CCBE1: variants seen among roughly 807,000 people sequenced by gnomAD.
CCBE1 encodes collagen and calcium binding EGF domains 1.
Under a neutral mutation model 50.0 loss-of-function variants are expected in CCBE1, and 37 were observed. The observed-to-expected ratio is 0.74, with a 90% confidence interval of 0.57 to 0.97. The LOEUF (loss-of-function observed/expected upper bound fraction) is 0.97. CCBE1 is among the 50% of genes least tolerant of loss of function. CCBE1 has a pLI of 0.00. For missense variants in CCBE1, 538 were observed against 523.8 expected (o/e 1.03, Z -0.26); for synonymous variants, 234 against 203.7 (o/e 1.15, Z -1.27).
chr18:59,545,872 C>T (rs1429130050), intron 2 of CCBE1, among the ~76,000 whole-genome samples: 8 of 152,226 alleles, frequency 5.3e-5, no homozygotes, highest in African/African-American at 1.9e-4. Context: ...TCTGAGGACT[C>T]CCCAGCCATG....
At chr18:59,690,965 T>A (rs191587684) in intron 2 of CCBE1, among the ~76,000 whole-genome samples, 9 of 152,198 alleles carry the variant, frequency 5.9e-5, no homozygotes, top group African/African-American at 1.9e-4. Context: ...TGTTACACAT[T>A]AGCAATTAAA....
At chr18:59,661,448 T>G (rs1022342756) in intron 2 of CCBE1, among the ~76,000 whole-genome samples, 3 of 152,212 alleles carry the variant, frequency 2.0e-5, no homozygotes, top group African/African-American at 7.2e-5. Context: ...CATTTAATTC[T>G]TGGAACTTTA....
intron 2 of CCBE1, among the ~76,000 whole-genome samples, chr18:59,649,307 C>T (rs550922310): frequency 7.9e-5 from 12 of 152,316 alleles, no homozygotes; most frequent in African/African-American, 2.9e-4. Context: ...TTTGTGAGCA[C>T]AGCAAATACA....
chr18:59,469,869 G>C (rs1312330094), intron 3 of CCBE1, among the ~76,000 whole-genome samples: 1 of 152,172 alleles, frequency 6.6e-6, no homozygotes, highest in Non-Finnish European at 1.5e-5. Context: ...TCACTATCCA[G>C]AGAGAAAAGA....
In CCBE1 at chr18:59,512,931, C is replaced by T. The variant is rs1218935647; in HGVS notation, c.213-32693G>A. Among the ~76,000 whole-genome samples the T allele has an allele frequency of 5.9e-5, 9 of 152,190 alleles. 1 individual carries two copies. In the East Asian group the frequency reaches 1.7e-3, roughly 29 times the overall value. On this transcript the variant is annotated intron_variant, in intron 2 of 10. Coordinates refer to ENST00000439986, the MANE Select transcript of CCBE1 (RefSeq NM_133459.4). ...ACCTGGGCAGGAGACATCAGAGCAC[C>T]TCTACGACAGGAGGGAAAAAAGAAA...
At chr18:59,578,277 G>A (rs1407509252) in intron 2 of CCBE1, among the ~76,000 whole-genome samples, 1 of 152,160 alleles carries the variant, frequency 6.6e-6, no homozygotes, top group Admixed American at 6.5e-5. Flanking sequence ...TTAGAATGGC[G>A]ATCATTAACA....
chr18:59,687,698 T>C (rs1415108541), intron 2 of CCBE1, among the ~76,000 whole-genome samples: 1 of 152,244 alleles, frequency 6.6e-6, no homozygotes, highest in Non-Finnish European at 1.5e-5. Context: ...TTCAAGTGGC[T>C]CACACCTGTA....
chr18:59,690,036 C>G (rs1036204677), intron 2 of CCBE1, among the ~76,000 whole-genome samples: 2 of 152,008 alleles, frequency 1.3e-5, no homozygotes, highest in African/African-American at 4.8e-5. Context: ...AAAAAGGTCC[C>G]AAAGGAAATC....
At chr18:59,573,160 C>T (rs917410555) in intron 2 of CCBE1, among the ~76,000 whole-genome samples, 10 of 151,114 alleles carry the variant, frequency 6.6e-5, no homozygotes, top group African/African-American at 2.4e-4. Flanking sequence ...TGGTGCGCAC[C>T]TGTAATCCTA....
intron 2 of CCBE1, among the ~76,000 whole-genome samples, chr18:59,617,257 C>A (rs1361176933): frequency 6.6e-6 from 1 of 152,176 alleles, no homozygotes; most frequent in African/African-American, 2.4e-5. Context: ...TTCTTTTGCA[C>A]GTCCCATTAT....
intron 2 of CCBE1, among the ~76,000 whole-genome samples, chr18:59,577,252 G>C (rs1474022416): frequency 6.6e-6 from 1 of 152,206 alleles, no homozygotes; most frequent in Non-Finnish European, 1.5e-5. Flanking sequence ...AAGCATTTGT[G>C]GGGTCACCAG....
intron 2 of CCBE1, among the ~76,000 whole-genome samples, chr18:59,591,666 G>C (rs992501058): frequency 1.3e-5 from 2 of 152,140 alleles, no homozygotes; most frequent in Non-Finnish European, 2.9e-5. Context: ...CTGTTGCTGA[G>C]GCTGTAGAGA....
intron 5 of CCBE1, among the ~76,000 whole-genome samples, chr18:59,461,175 G>T (rs1004934503): frequency 6.6e-6 from 1 of 151,994 alleles, no homozygotes; most frequent in African/African-American, 2.4e-5. Flanking sequence ...AACCAACTTT[G>T]GTTCCGCATT....
chr18:59,561,174 C>A (rs375818978), intron 2 of CCBE1, among the ~76,000 whole-genome samples: 1 of 152,200 alleles, frequency 6.6e-6, no homozygotes, highest in East Asian at 1.9e-4. Context: ...TGGTAATCTG[C>A]GCCAATAGCT....
At chr18:59,513,306 AAAAAC>A (rs1914215944) in intron 2 of CCBE1, among the ~76,000 whole-genome samples, 1 of 105,224 alleles carries the variant, frequency 9.5e-6, no homozygotes, top group Admixed American at 9.9e-5. Context: ...ACTGTCTCAA[AAAAAC>A]AAAACAAAAC....
chr18:59,536,625 C>A (rs1045640133), intron 2 of CCBE1, among the ~76,000 whole-genome samples: 2 of 152,060 alleles, frequency 1.3e-5, no homozygotes, highest in Non-Finnish European at 2.9e-5. Context: ...TAAGAACGAC[C>A]AATGCAACAG....
chr18:59,626,583 A>T (rs1414737459), intron 2 of CCBE1, among the ~76,000 whole-genome samples: 1 of 152,250 alleles, frequency 6.6e-6, no homozygotes, highest in African/African-American at 2.4e-5. Context: ...TACCTCATTT[A>T]ATCTTAACAA....
intron 2 of CCBE1, among the ~76,000 whole-genome samples, chr18:59,597,092 G>A (rs1386074630): frequency 2.6e-5 from 4 of 152,248 alleles, no homozygotes; most frequent in South Asian, 4.1e-4. Context: ...TAGAGCAGCA[G>A]GCCAGCCAGT....
intron 2 of CCBE1, among the ~76,000 whole-genome samples, chr18:59,508,601 A>G (rs1170322040): frequency 2.0e-5 from 3 of 152,154 alleles, no homozygotes; most frequent in Non-Finnish European, 4.4e-5. Context: ...TGTCTCACAA[A>G]AAAAAGAAAA....
Sources: allele counts gnomAD v4.1 joint callset (sites outside exome capture counted in the v4.1 genomes callset), GRCh38; gene constraint gnomAD v4.1.1; transcripts MANE v1.5; gene names NCBI Gene and HGNC (gene_info 2026-07-23, HGNC 2026-07-21).